KANK1: variants seen among roughly 807,000 people sequenced by gnomAD.
KANK1 encodes KN motif and ankyrin repeat domain-containing protein 1.
In KANK1, 109 loss-of-function variants were observed where a neutral mutation model predicts 106.2. The observed-to-expected ratio is 1.03, with a 90% CI of 0.88 to 1.20. The LOEUF (loss-of-function observed/expected upper bound fraction) is 1.20, where lower values mean the gene tolerates loss of function less well. Ranked by LOEUF, KANK1 falls within the 50% of genes most tolerant of loss-of-function variation. The pLI is 0.00. For missense variants in KANK1, 2,399 were observed against 1,710.7 expected (o/e 1.40, Z -7.10); for synonymous variants, 873 against 652.2 (o/e 1.34, Z -5.16).
chr9:664,262 ACT>A (rs913059848), intron 1 of KANK1, among the ~76,000 whole-genome samples: 4 of 151,728 alleles, frequency 2.6e-5, no homozygotes, highest in Non-Finnish European at 5.9e-5. Flanking sequence ...CCACTAGTCT[ACT>A]CTCTATCCTC....
intron 1 of KANK1, among the ~76,000 whole-genome samples, chr9:559,793 A>G (rs1375749029): frequency 6.6e-6 from 1 of 152,176 alleles, no homozygotes; most frequent in African/African-American, 2.4e-5. Flanking sequence ...GTTTTCTCGG[A>G]TTAAATATGG....
chr9:552,143 G>A (rs1260269766), intron 1 of KANK1, among the ~76,000 whole-genome samples: 1 of 152,136 alleles, frequency 6.6e-6, no homozygotes, highest in African/African-American at 2.4e-5. Flanking sequence ...AAGACCTGAA[G>A]GACTGATCGA....
Position 722,295 on chromosome 9 carries a change from A to C in KANK1, c.2699-7756A>C, listed in dbSNP as rs544241275. Among the ~76,000 whole-genome samples the C allele has an allele frequency of 9.2e-5, 14 of 152,132 alleles. 1 individual carries two copies. On this transcript the variant is annotated intron_variant, in intron 3 of 11. Transcript: ENST00000382297. ...TTTTTTGAGATGGAGTTTCACTTCA[A>C]CTGCAAATAAGTGTTCATTCTCTCT... is the stretch of plus-strand genomic sequence containing the variant.
At chr9:666,146 G>A (rs995111830) in intron 1 of KANK1, among the ~76,000 whole-genome samples, 17 of 151,814 alleles carry the variant, frequency 1.1e-4, no homozygotes, top group African/African-American at 4.1e-4. Context: ...TGGTGACAGA[G>A]TGCAAACCTG....
rs368502606 is a variant in KANK1, at chr9:734,723, C to G, written c.3246-25C>G. 6 of 1,503,010 alleles carry G rather than the reference C, an allele frequency of 4.0e-6. No homozygotes were observed. The South Asian group carries it at 6.8e-5, about 17-fold the overall frequency. 93.1% of individuals were successfully genotyped at this position (1,503,010 alleles called of 1,614,324 possible). ...AAATGATTTTCTTCTTGTGACCAAT[C>G]GTAACTTGTTTTTTCTCCTTTCAGG... On this transcript the variant is annotated intron_variant, in intron 6 of 11. Transcript: ENST00000382297.
At chr9:596,079 T>G (rs1260082099) in intron 1 of KANK1, among the ~76,000 whole-genome samples, 3 of 151,822 alleles carry the variant, frequency 2.0e-5, no homozygotes, top group Non-Finnish European at 4.4e-5. Flanking sequence ...GAAGGTAACT[T>G]TATACAATAT....
At chr9:641,588 G>C (rs1369177680) in intron 1 of KANK1, among the ~76,000 whole-genome samples, 1 of 152,226 alleles carries the variant, frequency 6.6e-6, no homozygotes, top group Non-Finnish European at 1.5e-5. Flanking sequence ...ACTCGGAACA[G>C]AGGCATCCTC....
chr9:672,891 G>A (rs777611607), intron 1 of KANK1, among the ~76,000 whole-genome samples: 74 of 152,276 alleles, frequency 4.9e-4, no homozygotes, highest in Middle Eastern at 3.4e-3. Context: ...TTTCGCAGGA[G>A]TGGTTTCTTT....
At chr9:579,053 G>A (rs889948225) in intron 1 of KANK1, among the ~76,000 whole-genome samples, 3 of 152,224 alleles carry the variant, frequency 2.0e-5, no homozygotes, top group Non-Finnish European at 1.5e-5. Flanking sequence ...AGCTGAAGCA[G>A]AGTATTCCGC....
At position 712,810 on chromosome 9, in the gene KANK1, C is replaced by T; in HGVS notation, c.2044C>T (p.Gln682Ter). 14 of 1,613,820 alleles carry T rather than the reference C, an allele frequency of 8.7e-6. No homozygotes were observed. The highest frequency in any genetic ancestry group is 1.2e-5 in the Non-Finnish European group (14 of 1,179,910). The change falls in exon 3 of 12, where the codon CAG becomes TAG. Residue 682 changes from glutamine to a stop codon, truncating the protein, a stop_gained. Coordinates refer to ENST00000382297, the MANE Select transcript of KANK1 (RefSeq NM_015158.5). LOFTEE classifies it high-confidence loss of function. ...DTSTDLEQVH[Q>*]FTNTETATLI... ...TAGCACAGATTTGGAACAGGTGCAC[C>T]AGTTCACCAACACCGAGACGGCCAC...
At chr9:471,777 C>CTA (rs1287398368) in intron 2 of KANK1, among the ~76,000 whole-genome samples, 1 of 152,118 alleles carries the variant, frequency 6.6e-6, no homozygotes, top group Non-Finnish European at 1.5e-5. Flanking sequence ...ACTTGTAGTC[C>CTA]TAGCTACTTC....
intron 1 of KANK1, among the ~76,000 whole-genome samples, chr9:664,629 A>G (rs1844146369): frequency 6.6e-6 from 1 of 152,200 alleles, no homozygotes; most frequent in Non-Finnish European, 1.5e-5. Context: ...TAGTGCTGCA[A>G]TAAACATGCA....
chr9:563,795 C>T (rs1817109368), intron 1 of KANK1, among the ~76,000 whole-genome samples: 1 of 152,182 alleles, frequency 6.6e-6, no homozygotes, highest in African/African-American at 2.4e-5. Flanking sequence ...AAATTCAGTT[C>T]AGCCCGGATA....
intron 3 of KANK1, among the ~76,000 whole-genome samples, chr9:726,242 C>G (rs180813794): frequency 1.4e-3 from 219 of 152,172 alleles, no homozygotes; most frequent in Non-Finnish European, 2.7e-3. Flanking sequence ...CCTTTCTTCT[C>G]TTGGTGGGAA....
chr9:542,102 G>A (rs2060638567), intron 1 of KANK1, among the ~76,000 whole-genome samples: 2 of 149,354 alleles, frequency 1.3e-5, no homozygotes, highest in Admixed American at 1.3e-4. Context: ...AAAAAAAAAT[G>A]AACAGAGGAC....
chr9:735,468 A>T (rs1833533696), intron 7 of KANK1, among the ~76,000 whole-genome samples: 1 of 152,228 alleles, frequency 6.6e-6, no homozygotes, highest in Non-Finnish European at 1.5e-5. Flanking sequence ...ATGGCCAAGA[A>T]TGACATATTC....
At chr9:490,453 G>A (rs2058359419) in intron 3 of KANK1, among the ~76,000 whole-genome samples, 1 of 152,164 alleles carries the variant, frequency 6.6e-6, no homozygotes, top group Non-Finnish European at 1.5e-5. Flanking sequence ...AAGCTGCAGT[G>A]AGCCATGATT....
At chr9:480,558 C>A (rs541975087) in intron 3 of KANK1, among the ~76,000 whole-genome samples, 1 of 152,302 alleles carries the variant, frequency 6.6e-6, no homozygotes, top group South Asian at 2.1e-4. Context: ...AAGCATTTAG[C>A]AGTAAAAAGT....
chr9:567,374 T>G (rs1818061766), intron 1 of KANK1, among the ~76,000 whole-genome samples: 1 of 152,252 alleles, frequency 6.6e-6, no homozygotes, highest in South Asian at 2.1e-4. Context: ...TTGTGGTGTT[T>G]CATTAGCTTT....
Sources: gnomAD v4.1 joint callset for allele counts (sites outside exome capture counted in the v4.1 genomes callset) on GRCh38, gnomAD v4.1.1 for gene constraint, MANE v1.5 for transcripts, NCBI Gene and HGNC (gene_info 2026-07-23, HGNC 2026-07-21) for gene names.